The following FSCN2 variants were observed in gnomAD, a reference collection of about 807,000 sequenced individuals.
FSCN2 encodes the protein fascin actin-bundling protein 2, retinal.
FSCN2 carries 46 observed loss-of-function variants against 37.8 expected under a neutral mutation model. The ratio of observed to expected loss-of-function variants is 1.22; its 90% CI spans 0.96 to 1.56. The LOEUF (loss-of-function observed/expected upper bound fraction) is 1.56. Among genes scored for constraint, FSCN2 ranks in the 40% most tolerant of loss-of-function variants. The pLI is 0.00. For synonymous variants in FSCN2, 351 were observed against 309.4 expected, an observed-to-expected ratio of 1.13 and a Z score of -1.41; for missense variants, 844 against 730.4, an observed-to-expected ratio of 1.16 and a Z score of -1.79.
At chr17:81,528,291 A>C, upstream of FSCN2, 2 of 551,632 alleles carry the variant, frequency 3.6e-6, no homozygotes, top group Non-Finnish European at 6.5e-6. Context: ...GCTGCTCCTA[A>C]GCCGCACGTC....
chr17:81,536,803 C>G lies in FSCN2; in HGVS notation c.1273+14C>G. On this transcript the variant is annotated intron_variant, in intron 4 of 4. Coordinates refer to ENST00000417245, the MANE Select transcript of FSCN2 (RefSeq NM_012418.4). ...ACCGGATCCGAGGTGCGTGGCGGGGCGGGTGGGCACGCGGGAGCGGGGGTG... is the reference window on the plus strand; with the variant it reads ...ACCGGATCCGAGGTGCGTGGCGGGGGGGGTGGGCACGCGGGAGCGGGGGTG... The G allele has an allele frequency of 1.6e-6, 2 of 1,260,412 alleles. No homozygotes were observed. The highest frequency in any genetic ancestry group is 2.2e-6 in the Non-Finnish European group (2 of 897,002). 78.1% of individuals were successfully genotyped at this position (1,260,412 alleles called of 1,614,324 possible). A position where few individuals can be genotyped will look rare whatever the true frequency, so the allele number is the denominator to read the frequency against.
At chr17:81,516,829 G>A in the FSCN2 span, among the ~76,000 whole-genome samples, 3 of 152,168 alleles carry the variant, frequency 2.0e-5, no homozygotes, top group Non-Finnish European at 4.4e-5. Context: ...TTTGGTCCCA[G>A]GACCAGGTCT....
chr17:81,520,293 GGA>G, the FSCN2 span, among the ~76,000 whole-genome samples: 3,202 of 152,282 alleles, frequency 0.021, 54 homozygotes, highest in East Asian at 0.086. Flanking sequence ...CCCTGAAGGT[GGA>G]GAGGCCCGAG....
At chr17:81,532,620 ATGG>A (rs1270245816) in intron 1 of FSCN2, among the ~76,000 whole-genome samples, 5 of 117,336 alleles carry the variant, frequency 4.3e-5, no homozygotes, top group Admixed American at 3.3e-4. Flanking sequence ...GGTGATGATA[ATGG>A]TGATGATGGT....
chr17:81,530,367 G>A (rs2032510179), intron 1 of FSCN2, among the ~76,000 whole-genome samples: 2 of 152,228 alleles, frequency 1.3e-5, no homozygotes, highest in South Asian at 4.1e-4. Context: ...CAGGTCACCA[G>A]TTGCCTGTCT....
chr17:81,528,275 A>C, upstream of FSCN2: 3 of 514,172 alleles, frequency 5.8e-6, no homozygotes. Context: ...GAGGGTAATG[A>C]AAGGTGCTGC....
At chr17:81,515,581 C>T in the FSCN2 span, among the ~76,000 whole-genome samples, 4 of 152,230 alleles carry the variant, frequency 2.6e-5, no homozygotes, top group Non-Finnish European at 5.9e-5. Flanking sequence ...GGAGGTATGG[C>T]AGAGCTGAGG....
chr17:81,536,126 C>A lies in FSCN2; in HGVS notation c.984-20C>A. 1.2e-6 allele frequency: 2 copies of A among 1,604,402 alleles called. No individual in the cohort carries two copies. The highest frequency in any genetic ancestry group is 1.7e-6 in the Non-Finnish European group (2 of 1,176,196). ...CCCATCTCCTGCTGTCCTGAGGAGA[C>A]CTTTTGCTGCTCCCTCCAGTTCTGC... is the stretch of plus-strand genomic sequence containing the variant. On this transcript the variant is annotated intron_variant, in intron 2 of 4. Transcript: ENST00000417245.
chr17:81,529,626 C>T (rs1555670921), intron 1 of FSCN2: 1 of 698,520 alleles, frequency 1.4e-6, no homozygotes, highest in Non-Finnish European at 2.7e-6. Flanking sequence ...TGGAGAATGT[C>T]TCAGCCAAGC....
In FSCN2 at chr17:81,537,073, A is replaced by G; in HGVS notation, c.1472A>G (p.Glu491Gly). ...ADAPAGTALWEY is the reference protein window; with the variant it reads ...ADAPAGTALWGY ...GCCCCGGCCGGGACCGCGCTTTGGG[A>G]GTACTGAGGCCGCGCCCAGACCAGC... The change falls in exon 5 of 5, where the codon GAG becomes GGG. Residue 491 changes from glutamate to glycine, a missense_variant. Transcript: ENST00000417245. 1 of 1,447,786 alleles carries G rather than the reference A, an allele frequency of 6.9e-7. No homozygotes were observed. Among genetic ancestry groups the G allele is most frequent in the Non-Finnish European group, 9.0e-7 (1 of 1,107,196 alleles). The allele number at this position is 1,447,786 out of a possible 1,614,324, so 89.7% of individuals were successfully genotyped here. A position where few individuals can be genotyped will look rare whatever the true frequency, so the allele number is the denominator to read the frequency against.
Position 81,536,900 on chromosome 17 carries a change from G to T in FSCN2, c.1299G>T (p.Thr433=). Residue 433 remains threonine (T), a synonymous_variant, in exon 5 of 5, where the codon ACG becomes ACT. Coordinates refer to ENST00000417245, the MANE Select transcript of FSCN2 (RefSeq NM_012418.4). Reference sequence around the variant, plus strand: ...GCCGCGACGGAGGGTTCTGGTACACGGGCAGCCACGGCAGCGTGTGCAGCG... The same window carrying T: ...GCCGCGACGGAGGGTTCTGGTACACTGGCAGCCACGGCAGCGTGTGCAGCG... ...IRGRDGGFWY[T]GSHGSVCSDG... is the part of the protein sequence containing the mutation. 1 of 1,576,440 alleles carries T rather than the reference G, an allele frequency of 6.3e-7. No individual in the cohort carries two copies. The highest frequency in any genetic ancestry group is 8.6e-7 in the Non-Finnish European group (1 of 1,163,746).
intron 1 of FSCN2, among the ~76,000 whole-genome samples, chr17:81,532,645 T>C (rs1212321506): frequency 7.5e-6 from 1 of 132,546 alleles, no homozygotes; most frequent in Non-Finnish European, 1.5e-5. Flanking sequence ...ATGGTGATGA[T>C]GGTGGTGATG....
the FSCN2 span, among the ~76,000 whole-genome samples, chr17:81,520,753 T>G: frequency 6.6e-6 from 1 of 152,250 alleles, no homozygotes; most frequent in East Asian, 1.9e-4. Context: ...GCCTTCAGGC[T>G]TTTCCTTGCT....
chr17:81,531,405 G>GTGA (rs1568077320), intron 1 of FSCN2, among the ~76,000 whole-genome samples: 1 of 114,030 alleles, frequency 8.8e-6, no homozygotes, highest in Admixed American at 8.8e-5. Flanking sequence ...GATGGTGATG[G>GTGA]TGATGGTGGT....
At chr17:81,528,295 G>A (rs576923485), upstream of FSCN2, 591 of 556,168 alleles carry the variant, frequency 1.1e-3, 8 homozygotes, top group African/African-American at 1.0e-2. Flanking sequence ...CTCCTAAGCC[G>A]CACGTCTCTG....
chr17:81,524,803 T>C (rs1341394524), upstream of FSCN2, among the ~76,000 whole-genome samples: 1 of 151,894 alleles, frequency 6.6e-6, no homozygotes, highest in Non-Finnish European at 1.5e-5. Flanking sequence ...GCTCTCAGGC[T>C]GGGATCCAGG....
chr17:81,533,394 C>T (rs2032759721), intron 1 of FSCN2, among the ~76,000 whole-genome samples: 2 of 152,188 alleles, frequency 1.3e-5, no homozygotes, highest in African/African-American at 4.8e-5. Flanking sequence ...ATGGTGGGTT[C>T]CCAGGCAGCC....
At chr17:81,522,834 C>G in the FSCN2 span, among the ~76,000 whole-genome samples, 2 of 152,210 alleles carry the variant, frequency 1.3e-5, no homozygotes, top group Non-Finnish European at 2.9e-5. Context: ...CTCTAAGCCC[C>G]AAGCAGCCAG....
At chr17:81,536,455 T>C (rs2032880329) in intron 3 of FSCN2, 167 bp from the exon 4 acceptor site, 1 of 1,492,008 alleles carries the variant, frequency 6.7e-7, no homozygotes, top group East Asian at 2.5e-5. Context: ...AATGTCCTTA[T>C]CTCCGCTGCT....
Sources: gnomAD v4.1 joint callset for allele counts (sites outside exome capture counted in the v4.1 genomes callset) on GRCh38, gnomAD v4.1.1 for gene constraint, MANE v1.5 for transcripts, NCBI Gene and HGNC (gene_info 2026-07-23, HGNC 2026-07-21) for gene names.